PCDHA2: variants seen among roughly 807,000 people sequenced by gnomAD.
PCDHA2 encodes the protein protocadherin alpha-2.
PCDHA2 carries 58 observed loss-of-function variants against 66.0 expected under a neutral mutation model. The ratio of observed to expected loss-of-function variants is 0.88; its 90% CI spans 0.71 to 1.09. The LOEUF (loss-of-function observed/expected upper bound fraction) is 1.09, where lower values mean the gene tolerates loss of function less well. PCDHA2 is among the 50% of genes least tolerant of loss of function. PCDHA2 has a pLI of 0.00. For missense variants in PCDHA2, 1,267 were observed against 1,242.3 expected (o/e 1.02, Z -0.30); for synonymous variants, 634 against 554.0 (o/e 1.14, Z -2.03).
chr5:140,910,737 G>A (rs1405978966), intron 1 of PCDHA2, among the ~76,000 whole-genome samples: 2 of 152,008 alleles, frequency 1.3e-5, no homozygotes, highest in African/African-American at 4.8e-5. Context: ...AGCTAACCAA[G>A]CACATAAATT....
At chr5:140,997,504 C>T (rs2097772452) in intron 3 of PCDHA2, among the ~76,000 whole-genome samples, 1 of 152,042 alleles carries the variant, frequency 6.6e-6, no homozygotes, top group South Asian at 2.1e-4. Flanking sequence ...TCTCAACATA[C>T]CTAAACGCAG....
chr5:140,982,475 C>T lies in PCDHA2; in HGVS notation c.2448C>T (p.Ser816=). The change falls in exon 3 of 4, where the codon AGC becomes AGT. Residue 816 remains serine, a splice_region_variant and synonymous_variant. Coordinates refer to ENST00000526136, the MANE Select transcript of PCDHA2 (RefSeq NM_018905.3). ...TATCTGGGTCTGTGTGTTTATTCAG[C>T]TCTGTGCACCTAGAGGAGGCTGGCA... The part of the protein sequence containing the change: ...YSASLRAGMH[S]SVHLEEAGIL... 1 of 1,614,154 alleles carries T rather than the reference C, an allele frequency of 6.2e-7. No homozygotes were observed. Among genetic ancestry groups the T allele is most frequent in the African/African-American group, 1.3e-5 (1 of 75,040 alleles).
At chr5:140,849,988 G>T (rs2150461736) in intron 1 of PCDHA2, 1 of 1,597,248 alleles carries the variant, frequency 6.3e-7, no homozygotes, top group Non-Finnish European at 8.6e-7. Flanking sequence ...GTGGAGCGGC[G>T]GTTGGGCGAG....
chr5:140,931,161 C>G (rs1214685588), intron 1 of PCDHA2, among the ~76,000 whole-genome samples: 5 of 152,132 alleles, frequency 3.3e-5, no homozygotes, highest in African/African-American at 1.2e-4. Flanking sequence ...AATAGAATCT[C>G]AGTTAATTTT....
chr5:140,808,883 C>T, intron 1 of PCDHA2: 1 of 1,613,364 alleles, frequency 6.2e-7, no homozygotes. Flanking sequence ...GCCAGCACTG[C>T]TAGCGCCTCG....
At chr5:140,852,634 G>C (rs1450409196) in intron 1 of PCDHA2, 2 of 955,260 alleles carry the variant, frequency 2.1e-6, no homozygotes, top group African/African-American at 3.6e-5. Flanking sequence ...CTGAGCTCCT[G>C]TCATTAAACC....
intron 1 of PCDHA2, among the ~76,000 whole-genome samples, chr5:140,898,022 T>A (rs1235447722): frequency 6.6e-6 from 1 of 152,202 alleles, no homozygotes; most frequent in Non-Finnish European, 1.5e-5. Flanking sequence ...CTTTGCCCAC[T>A]TTTTGATGGG....
At chr5:140,811,939 A>G (rs1315208542) in intron 1 of PCDHA2, 1 of 152,012 alleles carries the variant, frequency 6.6e-6, no homozygotes, top group Non-Finnish European at 1.5e-5. Context: ...ATTTTCTCCC[A>G]TTCTGTAGGT....
intron 1 of PCDHA2, chr5:140,883,205 A>C: frequency 6.2e-7 from 1 of 1,614,036 alleles, no homozygotes; most frequent in Non-Finnish European, 8.5e-7. Flanking sequence ...TTTCGAAGAA[A>C]AGAAATTATA....
rs782154101 is a variant in PCDHA2, at chr5:140,809,372, G to C, written c.2388+12020G>C. On this transcript the variant is annotated intron_variant, in intron 1 of 3. Coordinates refer to ENST00000526136, the MANE Select transcript of PCDHA2 (RefSeq NM_018905.3). ...GCTGCGGTGCTCTGCGCTGCCCACCGAGGGCGCGTGCGCTCCGGGCAAGCC... is the reference window on the plus strand; with the variant it reads ...GCTGCGGTGCTCTGCGCTGCCCACCCAGGGCGCGTGCGCTCCGGGCAAGCC... 5.0e-6 allele frequency: 8 copies of C among 1,614,010 alleles called. No individual in the cohort carries two copies. The East Asian group carries it at 6.7e-5, about 13-fold the overall frequency.
intron 1 of PCDHA2, among the ~76,000 whole-genome samples, chr5:140,901,078 T>TAAA (rs1554189579): frequency 6.6e-6 from 1 of 152,120 alleles, no homozygotes; most frequent in East Asian, 1.9e-4. Flanking sequence ...TTCTATAGAG[T>TAAA]TGTTTGAGCT....
At chr5:140,870,806 A>AGAGT in intron 1 of PCDHA2, 1 of 1,613,688 alleles carries the variant, frequency 6.2e-7, no homozygotes, top group Non-Finnish European at 8.5e-7. Flanking sequence ...CTGGCGACTC[A>AGAGT]GGCTGGCAGC....
chr5:140,803,564 G>C, intron 1 of PCDHA2: 4 of 1,614,200 alleles, frequency 2.5e-6, no homozygotes, highest in Non-Finnish European at 2.5e-6. Context: ...AGGAGAAACA[G>C]GATGTGGACG....
At chr5:140,899,545 G>A (rs2067400002) in intron 1 of PCDHA2, among the ~76,000 whole-genome samples, 1 of 152,158 alleles carries the variant, frequency 6.6e-6, no homozygotes, top group African/African-American at 2.4e-5. Context: ...TGATCATGGT[G>A]GATAAGCTTT....
rs757969639 is a variant in PCDHA2 at position 140,795,546 on chromosome 5, C to A, written c.582C>A (p.Leu194=). The part of the protein sequence containing the change: ...ANDELSESLS[L]VLGKSLDREE... Reference sequence around the variant, plus strand: ...ATGAACTAAGCGAATCTTTGTCTCTCGTGCTGGGGAAATCGCTGGACAGAG... The same window carrying A: ...ATGAACTAAGCGAATCTTTGTCTCTAGTGCTGGGGAAATCGCTGGACAGAG... The change falls in exon 1 of 4, where the codon CTC becomes CTA. Residue 194 remains leucine, a synonymous_variant. Coordinates refer to ENST00000526136, the MANE Select transcript of PCDHA2 (RefSeq NM_018905.3). The A allele has an allele frequency of 3.1e-6, 5 of 1,614,098 alleles. No homozygotes were observed. The highest frequency in any genetic ancestry group is 4.2e-6 in the Non-Finnish European group (5 of 1,180,012).
At chr5:140,943,770 A>G (rs1290673049) in intron 1 of PCDHA2, among the ~76,000 whole-genome samples, 16 of 152,384 alleles carry the variant, frequency 1.0e-4, no homozygotes, top group African/African-American at 3.8e-4. Context: ...TAGGAAAAAA[A>G]CTAGGAAGTG....
chr5:140,856,078 C>G, intron 1 of PCDHA2: 18 of 1,594,016 alleles, frequency 1.1e-5, no homozygotes, highest in Non-Finnish European at 1.5e-5. Context: ...GCCTGGGGGT[C>G]CAGTGTCTGC....
chr5:140,994,483 G>A (rs1356969213), intron 3 of PCDHA2, among the ~76,000 whole-genome samples: 1 of 152,062 alleles, frequency 6.6e-6, no homozygotes, highest in East Asian at 1.9e-4. Context: ...CGGGTGGATT[G>A]CCTGAACCCA....
chr5:140,924,105 C>T lies in PCDHA2; in HGVS notation c.2389-54844C>T, dbSNP rs140580566. ...AGGCAGAAAGAATAAATTTTCATTC[C>T]AAAGCAGTTAGCTTGCTTAGCAGCA... is the stretch of plus-strand genomic sequence containing the variant. On this transcript the variant is annotated intron_variant, in intron 1 of 3. Coordinates refer to ENST00000526136, the MANE Select transcript of PCDHA2 (RefSeq NM_018905.3). Among the ~76,000 whole-genome samples the T allele has an allele frequency of 8.5e-5, 13 of 152,262 alleles. No homozygotes were observed. The East Asian group carries it at 2.5e-3, about 29-fold the overall frequency.
Sources: gnomAD v4.1 joint callset for allele counts (sites outside exome capture counted in the v4.1 genomes callset) on GRCh38, gnomAD v4.1.1 for gene constraint, MANE v1.5 for transcripts, NCBI Gene and HGNC (gene_info 2026-07-23, HGNC 2026-07-21) for gene names.